Variants in MECOM observed in about 807,000 individuals in gnomAD.
MECOM encodes the protein MDS1 and EVI1 complex locus, also known as histone-lysine N-methyltransferase MECOM.
Under a neutral mutation model 116.3 loss-of-function variants are expected in MECOM, and 13 were observed. That is an observed-to-expected ratio of 0.11 (90% CI 0.07 to 0.18). MECOM has a LOEUF of 0.18. Among genes scored for constraint, MECOM ranks in the 10% least tolerant of loss-of-function variants. The probability of loss-of-function intolerance (pLI) is 1.00; values close to 1 mark genes in which losing one functional copy is unlikely to be tolerated. For missense variants in MECOM, 1,299 were observed against 1,509.0 expected, an observed-to-expected ratio of 0.86 and a Z score of 2.31; for synonymous variants, 528 against 535.2, an observed-to-expected ratio of 0.99 and a Z score of 0.19.
chr3:169,091,753 T>G (rs1241377327), intron 14 of MECOM, among the ~76,000 whole-genome samples: 1 of 152,094 alleles, frequency 6.6e-6, no homozygotes, highest in African/African-American at 2.4e-5. Context: ...TTTGATACAC[T>G]TTTATACAAG....
Position 169,338,287 on chromosome 3 carries a change from C to G in MECOM, c.375+42900G>C, listed in dbSNP as rs73036691. Among the ~76,000 whole-genome samples, 1,443 of 152,240 alleles carry G rather than the reference C, an allele frequency of 9.5e-3. 20 individuals are homozygous for G. The highest frequency in any genetic ancestry group is 0.033 in the African/African-American group (1,357 of 41,546). On this transcript the variant is annotated intron_variant, in intron 2 of 16. Transcript: ENST00000651503. ...TTCTCCAAGAAGTTTCCCCGGATGC[C>G]TAATAAACTGAGCTAGGTCTCATAG...
chr3:169,399,565 A>G (rs1735544550), intron 1 of MECOM, among the ~76,000 whole-genome samples: 2 of 152,212 alleles, frequency 1.3e-5, no homozygotes, highest in African/African-American at 4.8e-5. Flanking sequence ...AATGTGCCCC[A>G]GAAGTGAGAA....
At chr3:169,200,569 T>A (rs958892130) in intron 2 of MECOM, among the ~76,000 whole-genome samples, 1 of 152,098 alleles carries the variant, frequency 6.6e-6, no homozygotes, top group African/African-American at 2.4e-5. Flanking sequence ...GGAAAAAATT[T>A]AGGCAGACAT....
chr3:169,319,919 T>C (rs1371805251), intron 2 of MECOM, among the ~76,000 whole-genome samples: 2 of 152,222 alleles, frequency 1.3e-5, no homozygotes, highest in African/African-American at 4.8e-5. Flanking sequence ...AGCATCTTAT[T>C]AGAGGTGGAG....
chr3:169,143,887 T>C, intron 2 of MECOM, 55 bp from the exon 3 acceptor site: 11 of 1,481,074 alleles, frequency 7.4e-6, no homozygotes, highest in Non-Finnish European at 9.9e-6. Flanking sequence ...CTCATTAAAA[T>C]AATCAGTTGT....
chr3:169,594,600 T>G (rs1021005129), intron 1 of MECOM, among the ~76,000 whole-genome samples: 2 of 151,596 alleles, frequency 1.3e-5, no homozygotes, highest in Non-Finnish European at 2.9e-5. Flanking sequence ...CCATTAGTCC[T>G]TCTCAAGTCT....
At chr3:169,578,192 T>C (rs567646101) in intron 1 of MECOM, among the ~76,000 whole-genome samples, 1 of 152,298 alleles carries the variant, frequency 6.6e-6, no homozygotes, top group East Asian at 1.9e-4. Context: ...AGATGTGTGA[T>C]ATGGACTTGA....
At chr3:169,627,564 C>T (rs1043181841) in intron 1 of MECOM, among the ~76,000 whole-genome samples, 1 of 152,098 alleles carries the variant, frequency 6.6e-6, no homozygotes, top group Non-Finnish European at 1.5e-5. Context: ...ATTGTTATTC[C>T]TTACACAAGG....
At chr3:169,260,042 T>A (rs1045112598) in intron 2 of MECOM, among the ~76,000 whole-genome samples, 2 of 152,248 alleles carry the variant, frequency 1.3e-5, no homozygotes, top group African/African-American at 4.8e-5. Flanking sequence ...AGCAACGATT[T>A]AAATGTTAAC....
chr3:169,090,055 C>T lies in MECOM; in HGVS notation c.3346G>A (p.Asp1116Asn). 6.2e-7 allele frequency: 1 copy of T among 1,613,574 alleles called. No individual in the cohort carries two copies. The highest frequency in any genetic ancestry group is 8.5e-7 in the Non-Finnish European group (1 of 1,179,672). The change falls in exon 15 of 17, where the codon GAT becomes AAT. Residue 1116 changes from aspartate to asparagine, a missense_variant. This residue lies in a region of MECOM where 273 missense variants were observed against 289.3 expected (regional missense o/e 0.94). Coordinates refer to ENST00000651503, the MANE Select transcript of MECOM (RefSeq NM_004991.4). ...TSNLHEGNPE[D>N]DYEETSALEM... ...AGGGCACTGGTTTCTTCATAGTCATCCTCAGGGTTTCCTTCATGTAAATTA... is the reference window on the plus strand; with the variant it reads ...AGGGCACTGGTTTCTTCATAGTCATTCTCAGGGTTTCCTTCATGTAAATTA...
chr3:169,492,230 G>T (rs540254134), intron 1 of MECOM, among the ~76,000 whole-genome samples: 2 of 152,182 alleles, frequency 1.3e-5, no homozygotes, highest in African/African-American at 4.8e-5. Context: ...GAGAAAGTTC[G>T]TGGGGTAAGA....
In MECOM at chr3:169,417,652, T is replaced by G. The variant is rs534236508; in HGVS notation, c.38-36128A>C. On this transcript the variant is annotated intron_variant, in intron 1 of 16. Coordinates refer to ENST00000651503, the MANE Select transcript of MECOM (RefSeq NM_004991.4). ...TAAATCATGCTGCTATAAAGACACA[T>G]GCACACGTATGTTTATTGCGGCACT... Among the ~76,000 whole-genome samples the G allele has an allele frequency of 4.6e-5, 7 of 151,692 alleles. No homozygotes were observed. The East Asian group carries it at 1.4e-3, about 30-fold the overall frequency.
chr3:169,232,855 T>G (rs116713934), intron 2 of MECOM, among the ~76,000 whole-genome samples: 317 of 152,190 alleles, frequency 2.1e-3, no homozygotes, highest in African/African-American at 7.4e-3. Flanking sequence ...AGTGCCAAGC[T>G]GATTTTAACA....
intron 1 of MECOM, among the ~76,000 whole-genome samples, chr3:169,539,158 T>C (rs1759755030): frequency 1.3e-5 from 2 of 152,044 alleles, no homozygotes; most frequent in African/African-American, 4.8e-5. Context: ...AGCAGATGGG[T>C]TTTAGCAACT....
chr3:169,101,514 G>C (rs763408939), intron 11 of MECOM, among the ~76,000 whole-genome samples: 38 of 152,074 alleles, frequency 2.5e-4, no homozygotes, highest in African/African-American at 8.7e-4. Context: ...ATATGCCTGA[G>C]TCAAATACCT....
intron 2 of MECOM, chr3:169,146,965 C>G (rs145417913): frequency 2.0e-6 from 2 of 997,686 alleles, no homozygotes; most frequent in African/African-American, 3.5e-5. Context: ...CAGGACCACG[C>G]GTTTCGGATT....
intron 2 of MECOM, among the ~76,000 whole-genome samples, chr3:169,369,426 A>T (rs1421890125): frequency 1.5e-5 from 2 of 137,796 alleles, no homozygotes; most frequent in Admixed American, 1.7e-4. Context: ...GGCTCACTGC[A>T]TCCTTGACCT....
intron 2 of MECOM, among the ~76,000 whole-genome samples, chr3:169,333,039 A>G (rs1723009683): frequency 1.3e-5 from 2 of 152,232 alleles, no homozygotes; most frequent in South Asian, 2.1e-4. Context: ...TAACAAAAAC[A>G]TAGCATTTCA....
chr3:169,281,413 C>T (rs781561094), intron 2 of MECOM, among the ~76,000 whole-genome samples: 4 of 152,146 alleles, frequency 2.6e-5, no homozygotes, highest in Non-Finnish European at 5.9e-5. Flanking sequence ...TGTGAAAATG[C>T]TTTGTGAACT....
Sources: gnomAD v4.1 joint callset for allele counts (sites outside exome capture counted in the v4.1 genomes callset) on GRCh38, gnomAD v4.1.1 for gene constraint, gnomAD v4.1.1 regional missense constraint, MANE v1.5 for transcripts, NCBI Gene and HGNC (gene_info 2026-07-23, HGNC 2026-07-21) for gene names.